Variants in SHISA6 observed in about 807,000 individuals in gnomAD.
SHISA6 encodes the protein shisa family member 6.
SHISA6 carries 22 observed loss-of-function variants against 47.9 expected under a neutral mutation model. The ratio of observed to expected loss-of-function variants is 0.46; its 90% confidence interval spans 0.33 to 0.66. SHISA6 has a LOEUF of 0.66. SHISA6 is among the 30% of genes least tolerant of loss of function. The probability of loss-of-function intolerance (pLI) is 0.02; values close to 1 mark genes in which losing one functional copy is unlikely to be tolerated. For synonymous variants in SHISA6, 388 were observed against 337.8 expected (o/e 1.15, Z -1.63); for missense variants, 680 against 764.6 (o/e 0.89, Z 1.30).
intron 3 of SHISA6, among the ~76,000 whole-genome samples, chr17:11,408,488 C>G (rs1914025312): frequency 1.3e-5 from 2 of 152,144 alleles, no homozygotes; most frequent in Admixed American, 6.5e-5. Context: ...GACATTTAAT[C>G]AAAACATGCT....
intron 3 of SHISA6, among the ~76,000 whole-genome samples, chr17:11,511,327 C>T (rs1018347138): frequency 3.9e-5 from 6 of 152,052 alleles, no homozygotes; most frequent in African/African-American, 1.5e-4. Flanking sequence ...AGGACAAATA[C>T]CTAACGCATG....
rs938575844 is a variant in SHISA6 at position 11,290,825 on chromosome 17, A to G, written c.799+27299A>G. The G allele has an allele frequency of 9.7e-4, 148 of 152,166 alleles. 1 individual carries two copies. The highest frequency in any genetic ancestry group is 3.4e-3 in the African/African-American group (140 of 41,536). The allele number at this position is 152,166 out of a possible 1,614,324, so 9.4% of individuals were successfully genotyped here. A position where few individuals can be genotyped will look rare whatever the true frequency, so the allele number is the denominator to read the frequency against. Reference sequence around the variant, plus strand: ...TTGTCAGTTACATCCAGGCTAACCTATGTTTATGATACTGATATGTGAGGG... The same window carrying G: ...TTGTCAGTTACATCCAGGCTAACCTGTGTTTATGATACTGATATGTGAGGG... On this transcript the variant is annotated intron_variant, in intron 2 of 5. Coordinates refer to ENST00000441885, the MANE Select transcript of SHISA6 (RefSeq NM_207386.4).
intron 3 of SHISA6, among the ~76,000 whole-genome samples, chr17:11,387,880 C>T (rs1913246787): frequency 6.6e-6 from 1 of 152,192 alleles, no homozygotes; most frequent in African/African-American, 2.4e-5. Context: ...TCAGCCCTTT[C>T]TGCAGCCCCA....
intron 3 of SHISA6, among the ~76,000 whole-genome samples, chr17:11,442,665 A>G (rs1915123076): frequency 6.6e-6 from 1 of 152,218 alleles, no homozygotes; most frequent in South Asian, 2.1e-4. Flanking sequence ...GTTTGCTAGT[A>G]GAATCTATGC....
rs377723242 is a variant in SHISA6, at chr17:11,493,139, A to T, written c.896-58757A>T. ...GCTGTGAGTCCAGAGGACCTCCCTC[A>T]TTTATATAGCAGGACCACCTCCTGA... On this transcript the variant is annotated intron_variant, in intron 3 of 5. Transcript: ENST00000441885. Among the ~76,000 whole-genome samples, 10 of 152,304 alleles carry T rather than the reference A, an allele frequency of 6.6e-5. No homozygotes were observed. In the South Asian group the frequency reaches 2.1e-3, roughly 32 times the overall value.
intron 3 of SHISA6, among the ~76,000 whole-genome samples, chr17:11,393,177 T>C (rs892980656): frequency 6.6e-6 from 1 of 152,232 alleles, no homozygotes; most frequent in East Asian, 1.9e-4. Flanking sequence ...CAAATTCCTC[T>C]TCCCCTAGTG....
At chr17:11,480,448 C>G (rs1362651367) in intron 3 of SHISA6, among the ~76,000 whole-genome samples, 1 of 152,038 alleles carries the variant, frequency 6.6e-6, no homozygotes, top group African/African-American at 2.4e-5. Context: ...TAGGTATTAT[C>G]CAGTTAATAT....
At chr17:11,527,029 A>G (rs1314968865) in intron 3 of SHISA6, among the ~76,000 whole-genome samples, 2 of 151,420 alleles carry the variant, frequency 1.3e-5, no homozygotes, top group African/African-American at 4.9e-5. Flanking sequence ...GCCTACCTGG[A>G]CCAAGTGGAA....
chr17:11,400,482 C>CT (rs34724433), intron 3 of SHISA6, among the ~76,000 whole-genome samples: 3 of 152,142 alleles, frequency 2.0e-5, no homozygotes, highest in Non-Finnish European at 4.4e-5. Flanking sequence ...CATCCTTTGA[C>CT]TTTTTTGTAT....
At chr17:11,511,736 T>C (rs2071543155) in intron 3 of SHISA6, among the ~76,000 whole-genome samples, 1 of 152,238 alleles carries the variant, frequency 6.6e-6, no homozygotes, top group African/African-American at 2.4e-5. Context: ...TGCAAATCAG[T>C]AAACCCACTC....
At chr17:11,302,371 C>A (rs1880706634) in intron 2 of SHISA6, among the ~76,000 whole-genome samples, 2 of 152,206 alleles carry the variant, frequency 1.3e-5, no homozygotes, top group South Asian at 4.1e-4. Flanking sequence ...TTATTCTGCA[C>A]ATGAGGAATT....
chr17:11,274,508 G>A (rs1205334435), intron 2 of SHISA6, among the ~76,000 whole-genome samples: 1 of 152,196 alleles, frequency 6.6e-6, no homozygotes, highest in Non-Finnish European at 1.5e-5. Flanking sequence ...GGCCCCCAGG[G>A]ATGTGGAGCG....
At chr17:11,372,701 G>A (rs934620718) in intron 2 of SHISA6, among the ~76,000 whole-genome samples, 5 of 151,858 alleles carry the variant, frequency 3.3e-5, no homozygotes, top group African/African-American at 1.2e-4. Flanking sequence ...TTTATCTCAT[G>A]TATTGAAAGT....
chr17:11,297,011 G>T (rs190560348), intron 2 of SHISA6, among the ~76,000 whole-genome samples: 3 of 152,146 alleles, frequency 2.0e-5, no homozygotes. Context: ...GGGCTTCAGG[G>T]ACTCGAGAGG....
chr17:11,456,457 A>C (rs1315004750), intron 3 of SHISA6, among the ~76,000 whole-genome samples: 1 of 152,246 alleles, frequency 6.6e-6, no homozygotes, highest in East Asian at 1.9e-4. Context: ...GTATGAGCAC[A>C]GCTAAGTTCT....
chr17:11,446,881 G>A (rs1915254016), intron 3 of SHISA6, among the ~76,000 whole-genome samples: 1 of 152,172 alleles, frequency 6.6e-6, no homozygotes, highest in African/African-American at 2.4e-5. Context: ...CACAGACATG[G>A]GAGAAGCCAG....
intron 2 of SHISA6, among the ~76,000 whole-genome samples, chr17:11,378,900 A>T (rs1912907997): frequency 6.6e-6 from 1 of 152,192 alleles, no homozygotes; most frequent in African/African-American, 2.4e-5. Flanking sequence ...AGAAAAAACA[A>T]ATGAATAATG....
At chr17:11,503,553 G>A (rs1032434778) in intron 3 of SHISA6, among the ~76,000 whole-genome samples, 26 of 152,098 alleles carry the variant, frequency 1.7e-4, no homozygotes, top group African/African-American at 5.8e-4. Context: ...CCTGACAGTC[G>A]GTTTCCTCCC....
intron 2 of SHISA6, among the ~76,000 whole-genome samples, chr17:11,349,075 C>G (rs999649171): frequency 2.0e-5 from 3 of 152,118 alleles, no homozygotes; most frequent in African/African-American, 7.2e-5. Flanking sequence ...GGTCTGGGAT[C>G]CTTTGGTTTA....
Sources: gnomAD v4.1 joint callset for allele counts (sites outside exome capture counted in the v4.1 genomes callset) on GRCh38, gnomAD v4.1.1 for gene constraint, MANE v1.5 for transcripts, NCBI Gene and HGNC (gene_info 2026-07-23, HGNC 2026-07-21) for gene names.